Variants in DTNB observed in about 807,000 individuals in gnomAD.
DTNB encodes dystrobrevin beta, also known as DTN-B.
A neutral mutation model predicts 90.7 loss-of-function variants in DTNB; 63 were observed. The ratio of observed to expected loss-of-function variants is 0.69; its 90% CI spans 0.57 to 0.86. The LOEUF (loss-of-function observed/expected upper bound fraction) is 0.86, where lower values mean the gene tolerates loss of function less well. Among genes scored for constraint, DTNB ranks in the 40% least tolerant of loss-of-function variants. The pLI is 0.00. For synonymous variants in DTNB, 277 were observed against 286.7 expected, an observed-to-expected ratio of 0.97 and a Z score of 0.34; for missense variants, 744 against 807.1, an observed-to-expected ratio of 0.92 and a Z score of 0.95.
intron 16 of DTNB, among the ~76,000 whole-genome samples, chr2:25,391,149 G>C (rs1256070864): frequency 6.6e-6 from 1 of 152,042 alleles, no homozygotes; most frequent in Non-Finnish European, 1.5e-5. Context: ...ACCTGCCTCG[G>C]CCTCCCAAAG....
rs76302118 is a variant in DTNB, at chr2:25,556,206, C to T, written c.876+20632G>A. Among the ~76,000 whole-genome samples, 180 of 113,878 alleles carry T rather than the reference C, an allele frequency of 1.6e-3. 5 individuals are homozygous for T. In the East Asian group the frequency reaches 0.053, roughly 34 times the overall value. The allele number at this position is 113,878 out of a possible 152,430, so 74.7% of individuals were successfully genotyped here. A position where few individuals can be genotyped will look rare whatever the true frequency, so the allele number is the denominator to read the frequency against. On this transcript the variant is annotated intron_variant, in intron 8 of 20. Coordinates refer to ENST00000406818, the MANE Select transcript of DTNB (RefSeq NM_021907.5). ...TTTTTTTTTTTGCCATCACAAATAA[C>T]GCTGCCATGATACTCTATGATACTC...
At chr2:25,665,468 T>C (rs1037472743) in intron 1 of DTNB, among the ~76,000 whole-genome samples, 4 of 151,558 alleles carry the variant, frequency 2.6e-5, no homozygotes, top group South Asian at 2.1e-4. Flanking sequence ...CTAATAAAAA[T>C]AGAAAAAAAT....
rs182928504 is a variant in DTNB, at chr2:25,509,812, C to T, written c.1001+21661G>A. On this transcript the variant is annotated intron_variant, in intron 9 of 20. Transcript: ENST00000406818. Reference sequence around the variant, plus strand: ...TCGCCTAGGCTGGAGTGCAGTGGTGCGATCTCAGCTCAATTGCAACCTCCA... The same window carrying T: ...TCGCCTAGGCTGGAGTGCAGTGGTGTGATCTCAGCTCAATTGCAACCTCCA... Among the ~76,000 whole-genome samples, 3 of 132,014 alleles carry T rather than the reference C, an allele frequency of 2.3e-5. No homozygotes were observed. The Admixed American group carries it at 2.6e-4, about 12-fold the overall frequency. 86.6% of individuals were successfully genotyped at this position (132,014 alleles called of 152,430 possible).
intron 16 of DTNB, among the ~76,000 whole-genome samples, chr2:25,396,133 C>T (rs528227214): frequency 1.3e-4 from 20 of 152,170 alleles, no homozygotes; most frequent in Non-Finnish European, 2.8e-4. Flanking sequence ...CTGGATGGAA[C>T]TGGAGACCAT....
Position 25,590,634 on chromosome 2 carries a change from T to C in DTNB, c.603+5452A>G, listed in dbSNP as rs539431493. Among the ~76,000 whole-genome samples, 17 of 152,286 alleles carry C rather than the reference T, an allele frequency of 1.1e-4. 1 individual carries two copies. Among genetic ancestry groups the C allele is most frequent in the African/African-American group, 4.1e-4 (17 of 41,574 alleles). On this transcript the variant is annotated intron_variant, in intron 6 of 20. Transcript: ENST00000406818. ...AGCAGACAGGAGACTCTGGGGTGGG[T>C]AGCTCCTCTCCACAGCTGGTAATCA... is the stretch of plus-strand genomic sequence containing the variant.
chr2:25,381,208 C>T (rs1014501403), intron 19 of DTNB, among the ~76,000 whole-genome samples: 4 of 151,998 alleles, frequency 2.6e-5, no homozygotes, highest in Admixed American at 6.5e-5. Context: ...TGTGCGTGTG[C>T]GTGTGTGTGC....
intron 12 of DTNB, among the ~76,000 whole-genome samples, chr2:25,441,394 T>A (rs2057351884): frequency 6.6e-6 from 1 of 152,228 alleles, no homozygotes; most frequent in African/African-American, 2.4e-5. Context: ...ACATAAAAAA[T>A]ATATTCTACT....
intron 8 of DTNB, chr2:25,558,238 T>C (rs1027595458): frequency 2.0e-6 from 2 of 985,436 alleles, no homozygotes; most frequent in Admixed American, 6.1e-5. Flanking sequence ...ACCCTAAATC[T>C]GTACCTGTAG....
At chr2:25,595,971 T>C in intron 6 of DTNB, 115 bp downstream of exon 6, 1 of 1,032,620 alleles carries the variant, frequency 9.7e-7, no homozygotes, top group African/African-American at 1.8e-5. Flanking sequence ...TTAAAGCTTT[T>C]TTCCTCCCCT....
rs757041263 is a variant in DTNB at position 25,482,917 on chromosome 2, G to T, written c.1002-44C>A. ...ACCTTATATTAATAATGACCAACTA[G>T]GGGAAACAAGGGAAACGACGATAAG... On this transcript the variant is annotated intron_variant, in intron 9 of 20. Coordinates refer to ENST00000406818, the MANE Select transcript of DTNB (RefSeq NM_021907.5). 8 of 1,545,772 alleles carry T rather than the reference G, an allele frequency of 5.2e-6. No individual in the cohort carries two copies. The African/African-American group carries it at 5.6e-5, about 11-fold the overall frequency.
At chr2:25,571,749 G>A (rs906502445) in intron 8 of DTNB, among the ~76,000 whole-genome samples, 2 of 152,150 alleles carry the variant, frequency 1.3e-5, no homozygotes, top group African/African-American at 4.8e-5. Context: ...CTCCATCTGA[G>A]GACTTCTGCC....
In DTNB at chr2:25,531,022, T is replaced by C. The variant is rs549279020; in HGVS notation, c.1001+451A>G. Reference sequence around the variant, plus strand: ...ACATACAAAATACCAGTTTTATTTGTAGAATATAGTCTTATGTTTCCTAAT... The same window carrying C: ...ACATACAAAATACCAGTTTTATTTGCAGAATATAGTCTTATGTTTCCTAAT... On this transcript the variant is annotated intron_variant, in intron 9 of 20. Transcript: ENST00000406818. Among the ~76,000 whole-genome samples, 4 of 152,352 alleles carry C rather than the reference T, an allele frequency of 2.6e-5. No homozygotes were observed. In the East Asian group the frequency reaches 7.7e-4, roughly 29 times the overall value.
intron 9 of DTNB, among the ~76,000 whole-genome samples, chr2:25,486,607 T>C (rs995411507): frequency 6.8e-6 from 1 of 147,254 alleles, no homozygotes; most frequent in African/African-American, 2.5e-5. Flanking sequence ...CACTCCAGCT[T>C]GGGCGACAGA....
chr2:25,541,780 G>T (rs968860113), intron 8 of DTNB, among the ~76,000 whole-genome samples: 2 of 152,150 alleles, frequency 1.3e-5, no homozygotes, highest in African/African-American at 4.8e-5. Flanking sequence ...ATACCCATAA[G>T]TGGAATTGCT....
intron 5 of DTNB, among the ~76,000 whole-genome samples, chr2:25,604,213 C>CAA (rs2066550961): frequency 6.6e-6 from 1 of 151,650 alleles, no homozygotes; most frequent in African/African-American, 2.4e-5. Context: ...CCAACAACAA[C>CAA]AAAAAACTCA....
At chr2:25,535,381 G>A (rs1233477199) in intron 8 of DTNB, among the ~76,000 whole-genome samples, 1 of 143,180 alleles carries the variant, frequency 7.0e-6, no homozygotes, top group Non-Finnish European at 1.5e-5. Flanking sequence ...TCCCAGACGG[G>A]GAGGCCGCGC....
Position 25,457,659 on chromosome 2 carries a change from G to A in DTNB, c.1080-2165C>T, listed in dbSNP as rs544424921. 2.7e-4 allele frequency among the ~76,000 whole-genome samples: 41 copies of A among 152,006 alleles called. No homozygotes were observed. In the East Asian group the frequency reaches 4.1e-3, roughly 15 times the overall value. ...AGATAACTTTCCCATGAAATATCTC[G>A]CTTTTATTATTATTCTCTCATCACT... On this transcript the variant is annotated intron_variant, in intron 10 of 20. Transcript: ENST00000406818.
chr2:25,532,245 CAAAA>C (rs11352371), intron 8 of DTNB, among the ~76,000 whole-genome samples: 1 of 74,300 alleles, frequency 1.3e-5, no homozygotes. Context: ...AACTCTGTCT[CAAAA>C]AAAAAAAAAA....
At chr2:25,459,354 T>C (rs1447781059) in intron 10 of DTNB, among the ~76,000 whole-genome samples, 1 of 152,182 alleles carries the variant, frequency 6.6e-6, no homozygotes, top group Non-Finnish European at 1.5e-5. Context: ...TATTACCGTG[T>C]CTTTAAGTTC....
Sources: gnomAD v4.1 joint callset for allele counts (sites outside exome capture counted in the v4.1 genomes callset) on GRCh38, gnomAD v4.1.1 for gene constraint, MANE v1.5 for transcripts, NCBI Gene and HGNC (gene_info 2026-07-23, HGNC 2026-07-21) for gene names.